MYRIP: variants seen among roughly 807,000 people sequenced by gnomAD.
The protein encoded by MYRIP is rab effector MyRIP.
MYRIP carries 49 observed loss-of-function variants against 98.0 expected under a neutral mutation model. The ratio of observed to expected loss-of-function variants is 0.50; its 90% CI spans 0.40 to 0.63. MYRIP has a LOEUF of 0.63. MYRIP is among the 30% of genes least tolerant of loss of function. The pLI is 0.00. For synonymous variants in MYRIP, 404 were observed against 409.5 expected, an observed-to-expected ratio of 0.99 and a Z score of 0.16; for missense variants, 1,004 against 1,058.2, an observed-to-expected ratio of 0.95 and a Z score of 0.71.
chr3:40,189,800 G>C (rs760936043), intron 9 of MYRIP, 26 bp from the exon 10 acceptor site: 14 of 1,571,600 alleles, frequency 8.9e-6, no homozygotes, highest in Non-Finnish European at 1.1e-5. Flanking sequence ...GCCCCTCTCT[G>C]CTTTCTCTAT....
At chr3:40,166,133 G>T (rs1215808316) in intron 5 of MYRIP, among the ~76,000 whole-genome samples, 1 of 152,148 alleles carries the variant, frequency 6.6e-6, no homozygotes, top group Non-Finnish European at 1.5e-5. Flanking sequence ...TGTTAATACT[G>T]GTTGATAGTC....
At chr3:40,119,885 G>A (rs545876400) in intron 3 of MYRIP, among the ~76,000 whole-genome samples, 86 of 151,858 alleles carry the variant, frequency 5.7e-4, no homozygotes, top group Non-Finnish European at 1.0e-3. Flanking sequence ...CCTGCACATT[G>A]TGCACATGTA....
chr3:40,054,288 A>G (rs946699333), intron 3 of MYRIP, among the ~76,000 whole-genome samples: 2 of 152,174 alleles, frequency 1.3e-5, no homozygotes, highest in Non-Finnish European at 2.9e-5. Context: ...ACCTTGGTAT[A>G]CAAAGTTTGA....
chr3:40,109,572 G>A (rs1403557887), intron 3 of MYRIP, among the ~76,000 whole-genome samples: 1 of 152,170 alleles, frequency 6.6e-6, no homozygotes, highest in Non-Finnish European at 1.5e-5. Context: ...ACTGCTTGGG[G>A]CCAGGAGTTT....
In MYRIP at chr3:40,013,707, C is replaced by A. The variant is rs990229502; in HGVS notation, c.111-30343C>A. ...CTCTCTGTGCCTTGGTTTCCTGATA[C>A]GTAAAATGGAGGGATGATGGCTGCC... is the stretch of plus-strand genomic sequence containing the variant. On this transcript the variant is annotated intron_variant, in intron 2 of 16. Coordinates refer to ENST00000302541, the MANE Select transcript of MYRIP (RefSeq NM_015460.4). Among the ~76,000 whole-genome samples the A allele has an allele frequency of 2.0e-5, 3 of 152,170 alleles. No homozygotes were observed. The South Asian group carries it at 6.2e-4, about 32-fold the overall frequency.
intron 3 of MYRIP, among the ~76,000 whole-genome samples, chr3:40,106,465 A>G (rs1374388128): frequency 6.6e-6 from 1 of 151,998 alleles, no homozygotes; most frequent in African/African-American, 2.4e-5. Context: ...GGCTTTGTTT[A>G]TGGCTGCTGG....
intron 2 of MYRIP, among the ~76,000 whole-genome samples, chr3:39,972,269 G>A (rs1309611557): frequency 1.3e-5 from 2 of 152,012 alleles, no homozygotes; most frequent in Middle Eastern, 3.2e-3. Context: ...CTCTGAGGTA[G>A]TAATTTTTGG....
intron 2 of MYRIP, among the ~76,000 whole-genome samples, chr3:39,968,455 G>A (rs376844534): frequency 3.3e-5 from 5 of 151,966 alleles, no homozygotes; most frequent in South Asian, 2.1e-4. Context: ...GAGCCACCAC[G>A]TCTGGCCACA....
chr3:40,195,241 C>T (rs1361361409), intron 10 of MYRIP, among the ~76,000 whole-genome samples: 1 of 152,118 alleles, frequency 6.6e-6, no homozygotes, highest in East Asian at 1.9e-4. Context: ...AAATCAGGAA[C>T]GTGACTGCTT....
intron 2 of MYRIP, among the ~76,000 whole-genome samples, chr3:39,953,818 C>T (rs574567944): frequency 2.6e-5 from 4 of 152,256 alleles, no homozygotes; most frequent in East Asian, 3.9e-4. Flanking sequence ...AGGACACTCC[C>T]GCCCTAATAC....
At position 39,842,927 on chromosome 3, in the gene MYRIP, A is replaced by G. The variant is rs115572296; in HGVS notation, c.-31+33011A>G. ...TTTCGCTATCTTGCCAGCCTCCTCC[A>G]GTAATTCTTGTGTGTTGAATTCTGC... On this transcript the variant is annotated intron_variant, in intron 1 of 16. Coordinates refer to ENST00000302541, the MANE Select transcript of MYRIP (RefSeq NM_015460.4). 4.3e-3 allele frequency among the ~76,000 whole-genome samples: 656 copies of G among 152,338 alleles called. 2 individuals are homozygous for G. The highest frequency in any genetic ancestry group is 7.1e-3 in the Non-Finnish European group (481 of 68,026).
intron 10 of MYRIP, among the ~76,000 whole-genome samples, chr3:40,192,841 T>C (rs1313473243): frequency 6.6e-6 from 1 of 152,144 alleles, no homozygotes; most frequent in Non-Finnish European, 1.5e-5. Flanking sequence ...GCTGAGTCAT[T>C]GTATATAGAG....
At chr3:40,201,859 A>C (rs1951570431) in intron 10 of MYRIP, among the ~76,000 whole-genome samples, 2 of 152,160 alleles carry the variant, frequency 1.3e-5, no homozygotes, top group Admixed American at 1.3e-4. Flanking sequence ...GTGAACAGCA[A>C]TGCATTGGAA....
In MYRIP at chr3:40,259,070, A is replaced by G. The variant is rs1177733234; in HGVS notation, c.*904A>G. On this transcript the variant is annotated 3_prime_UTR_variant, in exon 17 of 17. Transcript: ENST00000302541. ...AAAAACCACATGAGAAAATTTTTGTACTCCAAATTTACTTCCCAATAAATA... is the reference window on the plus strand; with the variant it reads ...AAAAACCACATGAGAAAATTTTTGTGCTCCAAATTTACTTCCCAATAAATA... 6.6e-6 allele frequency: 1 copy of G among 152,196 alleles called. No individual in the cohort carries two copies. Among genetic ancestry groups the G allele is most frequent in the Non-Finnish European group, 1.5e-5 (1 of 68,032 alleles). The allele number at this position is 152,196 out of a possible 1,614,324, so 9.4% of individuals were successfully genotyped here.
chr3:40,244,020 T>A (rs1390426208), intron 12 of MYRIP, among the ~76,000 whole-genome samples: 2 of 152,232 alleles, frequency 1.3e-5, no homozygotes, highest in African/African-American at 4.8e-5. Context: ...TTTAAATTAT[T>A]TCCCCTCTTT....
At chr3:39,866,216 A>C (rs1451614742) in intron 1 of MYRIP, among the ~76,000 whole-genome samples, 1 of 152,122 alleles carries the variant, frequency 6.6e-6, no homozygotes, top group Non-Finnish European at 1.5e-5. Context: ...TTAAAAAAAA[A>C]ATCTAGCTAT....
chr3:40,082,377 G>A (rs1301492183), intron 3 of MYRIP, among the ~76,000 whole-genome samples: 2 of 152,148 alleles, frequency 1.3e-5, no homozygotes, highest in Admixed American at 1.3e-4. Flanking sequence ...TGCGGGAGCT[G>A]GTGGCTGAAA....
chr3:40,113,474 T>A (rs1047725707), intron 3 of MYRIP, among the ~76,000 whole-genome samples: 1 of 151,816 alleles, frequency 6.6e-6, no homozygotes, highest in Admixed American at 6.6e-5. Context: ...AAGACCTCAG[T>A]CCATGGGGAG....
Position 39,957,857 on chromosome 3 carries a change from C to A in MYRIP, c.110+56931C>A, listed in dbSNP as rs554795847. On this transcript the variant is annotated intron_variant, in intron 2 of 16. Transcript: ENST00000302541. ...CTCAGGATACAAAATCAATGTGCAACAATCACAAGCATTCCTATACACCAA... is the reference window on the plus strand; with the variant it reads ...CTCAGGATACAAAATCAATGTGCAAAAATCACAAGCATTCCTATACACCAA... 1.9e-3 allele frequency among the ~76,000 whole-genome samples: 293 copies of A among 152,122 alleles called. 1 individual carries two copies. The highest frequency in any genetic ancestry group is 6.6e-3 in the African/African-American group (276 of 41,520).
Sources: allele counts gnomAD v4.1 joint callset (sites outside exome capture counted in the v4.1 genomes callset), GRCh38; gene constraint gnomAD v4.1.1; transcripts MANE v1.5; gene names NCBI Gene and HGNC (gene_info 2026-07-23, HGNC 2026-07-21).